Variants in ANO7 observed in about 807,000 individuals in gnomAD.
ANO7 encodes the protein anoctamin-7.
In ANO7, 114 loss-of-function variants were observed where a neutral mutation model predicts 115.8. That is an observed-to-expected ratio of 0.98 (90% CI 0.85 to 1.15). The LOEUF (loss-of-function observed/expected upper bound fraction) is 1.15, where lower values mean the gene tolerates loss of function less well. ANO7 is among the 50% of genes most tolerant of loss of function. The pLI is 0.00. For synonymous variants in ANO7, 550 were observed against 498.2 expected (o/e 1.10, Z -1.38); for missense variants, 1,302 against 1,201.2 (o/e 1.08, Z -1.24).
downstream of ANO7, chr2:241,230,609 C>A (rs1194645278): frequency 2.3e-5 from 16 of 697,056 alleles, no homozygotes; most frequent in Admixed American, 1.3e-4. This position sits in a 1 kb window ranked among gnomAD's most constrained non-coding sequence, Gnocchi z 5.0. Flanking sequence ...TGCACTGACC[C>A]GTGGTGTCCA....
At position 241,225,952 on chromosome 2, in the gene ANO7, T is replaced by TA. The variant is rs1469961121; in HGVS notation, c.*1800dup. On this transcript the variant is annotated 3_prime_UTR_variant, in exon 25 of 25. Coordinates refer to ENST00000674324, the MANE Select transcript of ANO7 (RefSeq NM_001370694.2). ...TACTTCCTTCCAGCTGGTTGCTTTT[T>TA]ATTGTTGCTGTCTTAAACTCCAAAG... 2.0e-5 allele frequency among the ~76,000 whole-genome samples: 3 copies of TA among 152,330 alleles called. No individual in the cohort carries two copies. Among genetic ancestry groups the TA allele is most frequent in the Non-Finnish European group, 4.4e-5 (3 of 68,032 alleles).
chr2:241,222,889 T>C (rs918018438), intron 21 of ANO7, among the ~76,000 whole-genome samples: 3 of 152,192 alleles, frequency 2.0e-5, no homozygotes, highest in Non-Finnish European at 4.4e-5. Context: ...CGTACTGGAC[T>C]GTCACATCTA....
intron 7 of ANO7, among the ~76,000 whole-genome samples, chr2:241,201,803 C>T (rs1057123542): frequency 1.3e-5 from 2 of 150,308 alleles, no homozygotes; most frequent in East Asian, 2.0e-4. Context: ...AGTCACGTGG[C>T]TGCCCAGGTA....
At position 241,212,143 on chromosome 2, in the gene ANO7, G is replaced by C. The variant is rs2068731671; in HGVS notation, c.1611G>C (p.Val537=). Residue 537 remains valine, a synonymous_variant, in exon 16 of 25, where the codon GTG becomes GTC. Coordinates refer to ENST00000674324, the MANE Select transcript of ANO7 (RefSeq NM_001370694.2). ...TKFEDAFTLK[V]FIFQFVNFYS... is the part of the protein sequence containing the mutation. Reference sequence around the variant, plus strand: ...TCGAGGACGCCTTCACCCTCAAGGTGTTCATCTTCCAGTTCGTCAACTTCT... The same window carrying C: ...TCGAGGACGCCTTCACCCTCAAGGTCTTCATCTTCCAGTTCGTCAACTTCT... 6.2e-7 allele frequency: 1 copy of C among 1,614,122 alleles called. No individual in the cohort carries two copies. Among genetic ancestry groups the C allele is most frequent in the Non-Finnish European group, 8.5e-7 (1 of 1,180,008 alleles).
At chr2:241,195,938 A>G in intron 4 of ANO7, 93 bp downstream of exon 4, 1 of 1,609,844 alleles carries the variant, frequency 6.2e-7, no homozygotes, top group Non-Finnish European at 8.5e-7. Flanking sequence ...CATGGTGTCC[A>G]GAGTCCCAGA....
the ANO7 span, chr2:241,235,383 G>T: frequency 2.0e-6 from 3 of 1,475,974 alleles, no homozygotes; most frequent in Non-Finnish European, 2.8e-6. Context: ...TGCCCAGTCC[G>T]AGCAGGAGGA....
chr2:241,228,254 A>ATGT (rs1326173738), downstream of ANO7: 1 of 152,308 alleles, frequency 6.6e-6, no homozygotes, highest in African/African-American at 2.4e-5. Flanking sequence ...ACAGATAAGG[A>ATGT]TGTTAAGACC....
rs1574753519 is a variant in ANO7 at position 241,191,355 on chromosome 2, G to A, written c.166+104G>A. ...GCAGGCTGGGGTAGCCTCCTCAGTA[G>A]CCACTCTGGGGCCAGTTGCTTGGGG... On this transcript the variant is annotated intron_variant, in intron 3 of 24. Transcript: ENST00000674324. 1.9e-5 allele frequency: 27 copies of A among 1,413,018 alleles called. No individual in the cohort carries two copies. In the East Asian group the frequency reaches 6.3e-4, roughly 33 times the overall value. The allele number at this position is 1,413,018 out of a possible 1,614,324, so 87.5% of individuals were successfully genotyped here. A position where few individuals can be genotyped will look rare whatever the true frequency, so the allele number is the denominator to read the frequency against.
the ANO7 span, chr2:241,235,398 G>A: frequency 6.9e-7 from 1 of 1,456,526 alleles, no homozygotes; most frequent in Non-Finnish European, 9.6e-7. Flanking sequence ...GGAGGAGGCA[G>A]AGTCAACAGG....
chr2:241,217,471 C>G, intron 19 of ANO7: 2 of 576,804 alleles, frequency 3.5e-6, no homozygotes, highest in South Asian at 2.2e-5. Context: ...GCCAGAAGCA[C>G]GGAGCGCAGG....
chr2:241,236,991 G>A, the ANO7 span, among the ~76,000 whole-genome samples: 126 of 144,182 alleles, frequency 8.7e-4, 6 homozygotes, highest in African/African-American at 3.0e-3. Flanking sequence ...GGGGGGGGGG[G>A]GGGCGGCAAT....
rs1056977721 is a variant in ANO7, at chr2:241,225,775, C to T, written c.*1622C>T. On this transcript the variant is annotated 3_prime_UTR_variant, in exon 25 of 25. Transcript: ENST00000674324. The stretch of plus-strand genomic sequence containing the variant: ...GGCTCTTCCGGCAGGGATGCAGGCT[C>T]ACAGCGCCCTGGGGCTGGACACCAC... Among the ~76,000 whole-genome samples the T allele has an allele frequency of 3.9e-5, 6 of 152,188 alleles. No homozygotes were observed. Among genetic ancestry groups the T allele is most frequent in the Non-Finnish European group, 7.3e-5 (5 of 68,036 alleles).
rs567067900 is a variant in ANO7 at position 241,203,524 on chromosome 2, A to T, written c.889+26A>T. 18 of 1,422,232 alleles carry T rather than the reference A, an allele frequency of 1.3e-5. No homozygotes were observed. The East Asian group carries it at 5.1e-4, about 41-fold the overall frequency. 88.1% of individuals were successfully genotyped at this position (1,422,232 alleles called of 1,614,324 possible). On this transcript the variant is annotated intron_variant, in intron 9 of 24. Coordinates refer to ENST00000674324, the MANE Select transcript of ANO7 (RefSeq NM_001370694.2). This position sits in a 1 kb window ranked among gnomAD's most constrained non-coding sequence, Gnocchi z 4.8. ...GTGAGTCCCCCCCGCTGCCCCCCAG[A>T]CCACCTGGGCCCCCCCAGCTTGGTG...
At chr2:241,197,325 C>T (rs1044429802) in intron 4 of ANO7, among the ~76,000 whole-genome samples, 4 of 152,164 alleles carry the variant, frequency 2.6e-5, no homozygotes, top group Non-Finnish European at 4.4e-5. Flanking sequence ...GTCTTGAACT[C>T]CTGACCTCAG....
rs1172919169 is a variant in ANO7, at chr2:241,224,873, T to TCCTGGCC, written c.*729_*735dup. The TCCTGGCC allele has an allele frequency of 2.0e-5, 3 of 152,300 alleles. No homozygotes were observed. The highest frequency in any genetic ancestry group is 4.8e-5 in the African/African-American group (2 of 41,458). The allele number at this position is 152,300 out of a possible 1,614,324, so 9.4% of individuals were successfully genotyped here. On this transcript the variant is annotated 3_prime_UTR_variant, in exon 25 of 25. Transcript: ENST00000674324. ...GCCCAACTTCCCTCCCTCTCCCAGC[T>TCCTGGCC]CCTGGCCCCTGGCCCAGGGCCCCTC...
At chr2:241,234,050 CTG>C in the ANO7 span, 4 of 1,457,644 alleles carry the variant, frequency 2.7e-6, no homozygotes, top group Admixed American at 6.9e-5. Context: ...TCATAGGACA[CTG>C]GAGATGCTGC....
In ANO7 at chr2:241,215,412, C is replaced by T. The variant is rs77621467; in HGVS notation, c.1826+510C>T. 3.8e-3 allele frequency among the ~76,000 whole-genome samples: 581 copies of T among 152,338 alleles called. 11 individuals are homozygous for T. Among genetic ancestry groups the T allele is most frequent in the East Asian group, 7.9e-3 (41 of 5,174 alleles). ...AGGCTGCCCAGGGCCTCGCCTCCCG[C>T]TCAAGGCCAGACTGACCTGAACGCC... On this transcript the variant is annotated intron_variant, in intron 18 of 24. Transcript: ENST00000674324.
the ANO7 span, chr2:241,236,864 G>T: frequency 7.3e-7 from 1 of 1,361,810 alleles, no homozygotes; most frequent in Non-Finnish European, 1.0e-6. Context: ...CCTGCTGGGT[G>T]CTGGGTGGTA....
In ANO7 at chr2:241,218,366, A is replaced by AC. The variant is rs774013274; in HGVS notation, c.2307dup (p.Asn770GlnfsTer12). On this transcript the variant is annotated frameshift_variant, in exon 21 of 25. Transcript: ENST00000674324. LOFTEE classifies it high-confidence loss of function. ...GCCCCGTCCTCCTTCGCCGCCGCGC[A>AC]CAACCGCACGTGCAGGTGAGCCCCG... is the stretch of plus-strand genomic sequence containing the variant. 6 of 1,458,934 alleles carry AC rather than the reference A, an allele frequency of 4.1e-6. No individual in the cohort carries two copies. In the Admixed American group the frequency reaches 1.4e-4, roughly 34 times the overall value. The allele number at this position is 1,458,934 out of a possible 1,614,324, so 90.4% of individuals were successfully genotyped here.
Sources: allele counts gnomAD v4.1 joint callset (sites outside exome capture counted in the v4.1 genomes callset), GRCh38; gene constraint gnomAD v4.1.1; non-coding constraint Gnocchi (gnomAD v3.1); transcripts MANE v1.5; gene names NCBI Gene and HGNC (gene_info 2026-07-23, HGNC 2026-07-21).